FHIT: variants seen among roughly 807,000 people sequenced by gnomAD.
FHIT encodes fragile histidine triad diadenosine triphosphatase, also known as bis(5'-adenosyl)-triphosphatase.
A neutral mutation model predicts 17.9 loss-of-function variants in FHIT; 19 were observed. That is an observed-to-expected ratio of 1.06 (90% CI 0.74 to 1.56). The LOEUF (loss-of-function observed/expected upper bound fraction) is 1.56. Ranked by LOEUF, FHIT falls within the 40% of genes most tolerant of loss-of-function variation. FHIT has a pLI of 0.00. For synonymous variants in FHIT, 81 were observed against 69.7 expected (o/e 1.16, Z -0.81); for missense variants, 248 against 189.2 (o/e 1.31, Z -1.82).
chr3:60,957,420 G>A (rs1709223046), intron 3 of FHIT, among the ~76,000 whole-genome samples: 2 of 151,918 alleles, frequency 1.3e-5, no homozygotes, highest in Admixed American at 1.3e-4. Context: ...TGTAGTTTTA[G>A]TAGAGATGGG....
chr3:60,542,638 A>T (rs2036222316), intron 4 of FHIT, among the ~76,000 whole-genome samples: 1 of 152,170 alleles, frequency 6.6e-6, no homozygotes, highest in South Asian at 2.1e-4. Flanking sequence ...CTAATTTTGT[A>T]GAGTCCCTTG....
In FHIT at chr3:61,048,716, C is replaced by T. The variant is rs1345479917; in HGVS notation, c.-163-6617G>A. Reference sequence around the variant, plus strand: ...CGGCACGATTCACAATAGCAAAGACCTGGAAGCAACCCAAATGTCCAACAA... The same window carrying T: ...CGGCACGATTCACAATAGCAAAGACTTGGAAGCAACCCAAATGTCCAACAA... On this transcript the variant is annotated intron_variant, in intron 2 of 9. Coordinates refer to ENST00000492590, the MANE Select transcript of FHIT (RefSeq NM_002012.4). Among the ~76,000 whole-genome samples the T allele has an allele frequency of 5.4e-3, 824 of 152,072 alleles. 11 individuals carry two copies. Among genetic ancestry groups the T allele is most frequent in the African/African-American group, 0.019 (783 of 41,400 alleles).
intron 2 of FHIT, among the ~76,000 whole-genome samples, chr3:61,133,089 A>T (rs528727110): frequency 1.3e-5 from 2 of 152,362 alleles, no homozygotes; most frequent in East Asian, 3.9e-4. Context: ...TTCATCCTTT[A>T]CATCTCAGAT....
chr3:60,376,879 A>G (rs2107089247), intron 5 of FHIT, among the ~76,000 whole-genome samples: 1 of 152,338 alleles, frequency 6.6e-6, no homozygotes, highest in South Asian at 2.1e-4. Context: ...AGAGAAGTGG[A>G]CAGTGTGTAT....
At chr3:60,964,317 T>C (rs191860017) in intron 3 of FHIT, among the ~76,000 whole-genome samples, 5 of 152,258 alleles carry the variant, frequency 3.3e-5, no homozygotes, top group Middle Eastern at 3.4e-3. Flanking sequence ...AGTTTGAGCC[T>C]ATGTGTGTCT....
chr3:60,579,536 C>T (rs1227521056), intron 4 of FHIT, among the ~76,000 whole-genome samples: 2 of 152,060 alleles, frequency 1.3e-5, no homozygotes, highest in Non-Finnish European at 2.9e-5. Context: ...AACTATAATG[C>T]TTAACATGAG....
rs532388883 is a variant in FHIT at position 59,862,344 on chromosome 3, C to T, written c.348+60002G>A. Among the ~76,000 whole-genome samples, 3 of 152,260 alleles carry T rather than the reference C, an allele frequency of 2.0e-5. No individual in the cohort carries two copies. The South Asian group carries it at 6.2e-4, about 32-fold the overall frequency. On this transcript the variant is annotated intron_variant, in intron 8 of 9. Transcript: ENST00000492590. The stretch of plus-strand genomic sequence containing the variant: ...CGGGAAAAACCCGCTCCCATGATTC[C>T]CACCAGGTCCCTCCCACGACACATG...
chr3:60,630,497 G>A (rs2039410079), intron 4 of FHIT, among the ~76,000 whole-genome samples: 1 of 152,182 alleles, frequency 6.6e-6, no homozygotes, highest in Non-Finnish European at 1.5e-5. Context: ...TAGAAGCTCT[G>A]GAAAATTCCT....
intron 5 of FHIT, among the ~76,000 whole-genome samples, chr3:60,198,736 G>C (rs1432855244): frequency 6.6e-6 from 1 of 152,094 alleles, no homozygotes; most frequent in Non-Finnish European, 1.5e-5. Context: ...ACCTAGCCAA[G>C]TTTCAATTTC....
rs1472633624 is a variant in FHIT at position 61,156,021 on chromosome 3, T to C, written c.-164+44596A>G. Among the ~76,000 whole-genome samples, 3 of 152,308 alleles carry C rather than the reference T, an allele frequency of 2.0e-5. No individual in the cohort carries two copies. The East Asian group carries it at 5.8e-4, about 29-fold the overall frequency. ...AGCCCCCAATAACAGCCTTGGGTGC[T>C]GATGCCCTAACAAGCTTCTCTGTTG... On this transcript the variant is annotated intron_variant, in intron 2 of 9. Coordinates refer to ENST00000492590, the MANE Select transcript of FHIT (RefSeq NM_002012.4).
intron 4 of FHIT, among the ~76,000 whole-genome samples, chr3:60,793,336 C>G (rs1553729158): frequency 1.3e-5 from 2 of 151,246 alleles, no homozygotes; most frequent in African/African-American, 4.9e-5. Flanking sequence ...GAGTGTTGCT[C>G]TGTCGCCCAG....
At chr3:60,740,912 G>A (rs1470127973) in intron 4 of FHIT, among the ~76,000 whole-genome samples, 2 of 152,144 alleles carry the variant, frequency 1.3e-5, no homozygotes, top group Non-Finnish European at 2.9e-5. Context: ...TTCTAAGTGG[G>A]TTTTTGTTTT....
At chr3:60,347,644 A>G (rs1262848496) in intron 5 of FHIT, among the ~76,000 whole-genome samples, 1 of 111,494 alleles carries the variant, frequency 9.0e-6, no homozygotes, top group African/African-American at 3.5e-5. Flanking sequence ...AATTGAAAAC[A>G]TTCAATCCTG....
At chr3:61,008,294 T>C (rs1229287414) in intron 3 of FHIT, among the ~76,000 whole-genome samples, 1 of 152,238 alleles carries the variant, frequency 6.6e-6, no homozygotes, top group Admixed American at 6.5e-5. Context: ...ATGCCTGTTA[T>C]GTAATTGTGT....
At chr3:60,841,260 G>C (rs572164948) in intron 3 of FHIT, among the ~76,000 whole-genome samples, 1 of 152,166 alleles carries the variant, frequency 6.6e-6, no homozygotes, top group Non-Finnish European at 1.5e-5. Flanking sequence ...ATAAATTCCT[G>C]TTGAAAAGTA....
At chr3:61,232,781 C>A (rs1484548049) in intron 1 of FHIT, among the ~76,000 whole-genome samples, 3 of 152,092 alleles carry the variant, frequency 2.0e-5, no homozygotes, top group African/African-American at 7.2e-5. Flanking sequence ...AACTTGGGCC[C>A]AGTTTGGCTG....
chr3:59,872,678 T>G (rs1702976503), intron 8 of FHIT, among the ~76,000 whole-genome samples: 1 of 152,214 alleles, frequency 6.6e-6, no homozygotes, highest in Non-Finnish European at 1.5e-5. Flanking sequence ...CTCAATATCT[T>G]TCTCAAGAAG....
chr3:61,057,344 T>A (rs922217692), intron 2 of FHIT, among the ~76,000 whole-genome samples: 1 of 152,174 alleles, frequency 6.6e-6, no homozygotes, highest in African/African-American at 2.4e-5. Context: ...ACATTGGGGG[T>A]TCATAAGACT....
intron 3 of FHIT, among the ~76,000 whole-genome samples, chr3:60,878,063 T>G (rs377316814): frequency 6.6e-6 from 1 of 152,236 alleles, no homozygotes; most frequent in African/African-American, 2.4e-5. Flanking sequence ...GTACCATGCA[T>G]GCTGTGCTCA....
Sources: allele counts gnomAD v4.1 joint callset (sites outside exome capture counted in the v4.1 genomes callset), GRCh38; gene constraint gnomAD v4.1.1; transcripts MANE v1.5; gene names NCBI Gene and HGNC (gene_info 2026-07-23, HGNC 2026-07-21).